NLGN1: variants seen among roughly 807,000 people sequenced by gnomAD.
NLGN1 encodes the protein neuroligin-1.
NLGN1 carries 12 observed loss-of-function variants against 65.5 expected under a neutral mutation model. The ratio of observed to expected loss-of-function variants is 0.18; its 90% CI spans 0.12 to 0.30. NLGN1 has a LOEUF of 0.30. Ranked by LOEUF, NLGN1 falls within the 10% of genes least tolerant of loss-of-function variation. The probability of loss-of-function intolerance (pLI) is 1.00; values close to 1 mark genes in which losing one functional copy is unlikely to be tolerated. For missense variants in NLGN1, 750 were observed against 1,007.1 expected (o/e 0.74, Z 3.46); for synonymous variants, 350 against 359.5 (o/e 0.97, Z 0.30).
intron 4 of NLGN1, among the ~76,000 whole-genome samples, chr3:173,863,135 A>G (rs1178910539): frequency 7.2e-6 from 1 of 138,898 alleles, no homozygotes; most frequent in Non-Finnish European, 1.5e-5. Context: ...GATGGCTGAT[A>G]AAAAAAAAAA....
chr3:174,046,099 A>G (rs945328535), intron 4 of NLGN1, among the ~76,000 whole-genome samples: 2 of 152,192 alleles, frequency 1.3e-5, no homozygotes, highest in African/African-American at 4.8e-5. Context: ...TGTGAGATTT[A>G]TTGCAAGTAT....
At chr3:174,156,592 ATTGTT>A (rs1725480699) in intron 4 of NLGN1, among the ~76,000 whole-genome samples, 1 of 151,910 alleles carries the variant, frequency 6.6e-6, no homozygotes, top group South Asian at 2.1e-4. Flanking sequence ...TATCAAAGGT[ATTGTT>A]TTAAGAATGA....
intron 1 of NLGN1, among the ~76,000 whole-genome samples, chr3:173,422,498 T>C (rs889060484): frequency 4.6e-5 from 7 of 152,226 alleles, no homozygotes; most frequent in Admixed American, 3.9e-4. Context: ...AGCAGTAAGA[T>C]TGCCAGGTCA....
At chr3:173,449,906 A>G (rs1274405212) in intron 2 of NLGN1, among the ~76,000 whole-genome samples, 1 of 151,452 alleles carries the variant, frequency 6.6e-6, no homozygotes, top group Admixed American at 6.6e-5. Context: ...TTTGTTTTCC[A>G]TTTGCTTGGT....
intron 4 of NLGN1, among the ~76,000 whole-genome samples, chr3:174,177,904 T>G (rs963437668): frequency 6.6e-6 from 1 of 152,086 alleles, no homozygotes; most frequent in African/African-American, 2.4e-5. Context: ...GCCCCGGATG[T>G]ACCTGCCTCA....
Position 174,177,261 on chromosome 3 carries a change from T to A in NLGN1, c.647-98054T>A, listed in dbSNP as rs540426375. Among the ~76,000 whole-genome samples, 5 of 152,166 alleles carry A rather than the reference T, an allele frequency of 3.3e-5. No individual in the cohort carries two copies. The East Asian group carries it at 9.6e-4, about 29-fold the overall frequency. ...CATTATTTTTCTCTAACAGAGGGTA[T>A]TATAGGTACTTTTTCTCTTCTTTCT... On this transcript the variant is annotated intron_variant, in intron 4 of 6. Coordinates refer to ENST00000457714, the Ensembl canonical transcript of NLGN1.
chr3:173,597,381 A>G (rs2149420992), intron 2 of NLGN1, among the ~76,000 whole-genome samples: 1 of 152,324 alleles, frequency 6.6e-6, no homozygotes, highest in South Asian at 2.1e-4. Context: ...TGAACTATGT[A>G]AAGTGTTTTG....
At chr3:174,026,011 C>CT (rs1256583161) in intron 4 of NLGN1, among the ~76,000 whole-genome samples, 11 of 152,140 alleles carry the variant, frequency 7.2e-5, no homozygotes, top group African/African-American at 2.6e-4. Context: ...GTCCTATATT[C>CT]CCAGAGGCCA....
At chr3:173,421,564 G>C (rs919818947) in intron 1 of NLGN1, among the ~76,000 whole-genome samples, 1 of 151,734 alleles carries the variant, frequency 6.6e-6, no homozygotes, top group Non-Finnish European at 1.5e-5. Context: ...GAGTGCAGTG[G>C]TGCAATCTCA....
At chr3:173,823,694 A>G (rs1427911789) in intron 4 of NLGN1, among the ~76,000 whole-genome samples, 3 of 152,176 alleles carry the variant, frequency 2.0e-5, no homozygotes, top group East Asian at 1.9e-4. Context: ...ACATGTGGCT[A>G]TTGGTTACCA....
chr3:174,290,552 T>C (rs1752651309), downstream of NLGN1, among the ~76,000 whole-genome samples: 1 of 150,922 alleles, frequency 6.6e-6, no homozygotes, highest in African/African-American at 2.4e-5. Flanking sequence ...GCATAAACAA[T>C]AAAGAAAACG....
chr3:173,462,884 A>G (rs1345750513), intron 2 of NLGN1, among the ~76,000 whole-genome samples: 1 of 152,174 alleles, frequency 6.6e-6, no homozygotes, highest in East Asian at 1.9e-4. Context: ...CTGAGACTTT[A>G]TTTTGGCAGT....
intron 2 of NLGN1, among the ~76,000 whole-genome samples, chr3:173,505,289 C>T (rs1437219974): frequency 2.0e-5 from 3 of 152,066 alleles, no homozygotes; most frequent in Non-Finnish European, 4.4e-5. Context: ...CACTTTAACC[C>T]CTACCTGGCT....
intron 4 of NLGN1, among the ~76,000 whole-genome samples, chr3:173,824,278 C>G (rs1578633124): frequency 6.6e-6 from 1 of 152,062 alleles, no homozygotes; most frequent in Non-Finnish European, 1.5e-5. Context: ...AAAAAAATGT[C>G]AGCTTTGCCA....
Position 173,582,351 on chromosome 3 carries a change from T to TG in NLGN1, c.-320-21926dup, listed in dbSNP as rs570841268. Reference sequence around the variant, plus strand: ...GTTGTGGAATGAATAGTTCTAGGAGTGGAAAAACTGGATTATAGGACATAA... The same window carrying TG: ...GTTGTGGAATGAATAGTTCTAGGAGTGGGAAAAACTGGATTATAGGACATAA... On this transcript the variant is annotated intron_variant, in intron 2 of 6. Coordinates refer to ENST00000457714, the Ensembl canonical transcript of NLGN1. 4.3e-3 allele frequency among the ~76,000 whole-genome samples: 650 copies of TG among 152,130 alleles called. 8 individuals carry two copies. The highest frequency in any genetic ancestry group is 0.015 in the African/African-American group (629 of 41,534).
intron 4 of NLGN1, among the ~76,000 whole-genome samples, chr3:173,926,159 A>T (rs896227961): frequency 6.6e-6 from 1 of 151,054 alleles, no homozygotes; most frequent in East Asian, 1.9e-4. Context: ...TTTAAATAGT[A>T]TTTTTTTTTC....
At chr3:173,939,214 G>C (rs951035304) in intron 4 of NLGN1, among the ~76,000 whole-genome samples, 3 of 152,184 alleles carry the variant, frequency 2.0e-5, no homozygotes, top group African/African-American at 7.2e-5. Context: ...ATTTCAGCTA[G>C]AAATGTTTAT....
intron 3 of NLGN1, among the ~76,000 whole-genome samples, chr3:173,792,118 C>T (rs896337796): frequency 6.6e-6 from 1 of 152,048 alleles, no homozygotes; most frequent in African/African-American, 2.4e-5. Context: ...AGTATGAAAA[C>T]AATGAAATTG....
intron 4 of NLGN1, among the ~76,000 whole-genome samples, chr3:173,833,746 G>A (rs1020386430): frequency 4.6e-5 from 7 of 152,046 alleles, no homozygotes; most frequent in African/African-American, 1.2e-4. Context: ...TCAAACTTCC[G>A]GGCCTCAGCC....
Sources: gnomAD v4.1 joint callset for allele counts (sites outside exome capture counted in the v4.1 genomes callset) on GRCh38, gnomAD v4.1.1 for gene constraint, MANE v1.5 for transcripts, NCBI Gene and HGNC (gene_info 2026-07-23, HGNC 2026-07-21) for gene names.